ASIC2: variants seen among roughly 807,000 people sequenced by gnomAD.
ASIC2 encodes the protein acid sensing ion channel subunit 2, also known as acid-sensing ion channel 2.
ASIC2 carries 25 observed loss-of-function variants against 57.3 expected under a neutral mutation model. The observed-to-expected ratio is 0.44, with a 90% CI of 0.32 to 0.61. The LOEUF (loss-of-function observed/expected upper bound fraction) is 0.61, where lower values mean the gene tolerates loss of function less well. Among genes scored for constraint, ASIC2 ranks in the 20% least tolerant of loss-of-function variants. The probability of loss-of-function intolerance (pLI) is 0.06; values close to 1 mark genes in which losing one functional copy is unlikely to be tolerated. For synonymous variants in ASIC2, 319 were observed against 307.5 expected, an observed-to-expected ratio of 1.04 and a Z score of -0.39; for missense variants, 641 against 738.1, an observed-to-expected ratio of 0.87 and a Z score of 1.52.
At position 33,292,216 on chromosome 17, in the gene ASIC2, G is replaced by A. The variant is rs1396319354; in HGVS notation, c.-101C>T. The A allele has an allele frequency of 5.0e-6, 5 of 1,001,244 alleles. No individual in the cohort carries two copies. Among genetic ancestry groups the A allele is most frequent in the Non-Finnish European group, 5.9e-6 (5 of 842,442 alleles). The allele number at this position is 1,001,244 out of a possible 1,614,324, so 62.0% of individuals were successfully genotyped here. ...TGGAAGCAGCAGCAGCGGCAGCCGC[G>A]CGCAGCCCGCGCCAGGGAAGCGTGC... On this transcript the variant is annotated 5_prime_UTR_variant, in exon 1 of 10. Coordinates refer to ENST00000225823, the MANE Select transcript of ASIC2 (RefSeq NM_183377.2).
Position 33,943,791 on chromosome 17 carries a change from G to C in ASIC2, c.555+212187C>G, listed in dbSNP as rs73274580. On this transcript the variant is annotated intron_variant, in intron 1 of 9. Coordinates refer to the ASIC2 transcript ENST00000359872. ...AGGCCTTGTGCTAAATACATCACAT[G>C]CACCTGATCTCTTAATCCACACACC... 2.1e-3 allele frequency among the ~76,000 whole-genome samples: 322 copies of C among 151,600 alleles called. 3 individuals carry two copies. The highest frequency in any genetic ancestry group is 7.5e-3 in the African/African-American group (310 of 41,322).
intron 1 of ASIC2, among the ~76,000 whole-genome samples, chr17:33,861,972 T>C (rs945111135): frequency 6.6e-6 from 1 of 152,190 alleles, no homozygotes; most frequent in Non-Finnish European, 1.5e-5. Context: ...ACCTTTCTGG[T>C]CCCTCCTGCA....
chr17:33,016,114 GC>G, intron 8 of ASIC2, 75 bp from the exon 9 acceptor site: 1 of 1,458,748 alleles, frequency 6.9e-7, no homozygotes, highest in Non-Finnish European at 9.6e-7. Context: ...CCTCCATTGG[GC>G]CCCACTGGGG....
chr17:33,900,736 G>A (rs1315771161), intron 1 of ASIC2, among the ~76,000 whole-genome samples: 1 of 152,176 alleles, frequency 6.6e-6, no homozygotes, highest in Non-Finnish European at 1.5e-5. Context: ...AGATGTTGAA[G>A]AAGTTGGAGG....
chr17:33,839,528 G>A (rs1913370355), intron 1 of ASIC2, among the ~76,000 whole-genome samples: 1 of 152,034 alleles, frequency 6.6e-6, no homozygotes, highest in Non-Finnish European at 1.5e-5. Context: ...CTGGGGCTGG[G>A]ACTCTGCAAA....
At chr17:33,648,170 C>T (rs1424724617) in intron 1 of ASIC2, among the ~76,000 whole-genome samples, 1 of 152,150 alleles carries the variant, frequency 6.6e-6, no homozygotes, top group African/African-American at 2.4e-5. Flanking sequence ...GAGGGAGGCT[C>T]CATCTGGTGG....
intron 1 of ASIC2, among the ~76,000 whole-genome samples, chr17:33,237,410 G>A (rs1244892139): frequency 6.6e-6 from 1 of 151,912 alleles, no homozygotes; most frequent in Admixed American, 6.6e-5. Flanking sequence ...GAGTGCAATG[G>A]CATGATCTCA....
In ASIC2 at chr17:33,450,859, C is replaced by T. The variant is rs142642927; in HGVS notation, c.556-338792G>A. 3.8e-3 allele frequency among the ~76,000 whole-genome samples: 586 copies of T among 152,268 alleles called. 6 individuals carry two copies. The highest frequency in any genetic ancestry group is 4.8e-3 in the Non-Finnish European group (327 of 68,026). On this transcript the variant is annotated intron_variant, in intron 1 of 9. Coordinates refer to the ASIC2 transcript ENST00000359872. ...ATCAGCTTTCACAGTTTCTGTACAT[C>T]TGTATGCAGATGTATATGTATACAG...
intron 1 of ASIC2, among the ~76,000 whole-genome samples, chr17:33,687,331 A>G (rs1467531416): frequency 6.6e-6 from 1 of 152,104 alleles, no homozygotes; most frequent in East Asian, 1.9e-4. Flanking sequence ...AAGTTGGGTT[A>G]CCCCTTAGGA....
At chr17:33,897,705 G>A (rs1216483256) in intron 1 of ASIC2, among the ~76,000 whole-genome samples, 1 of 152,166 alleles carries the variant, frequency 6.6e-6, no homozygotes, top group African/African-American at 2.4e-5. Context: ...CCTTTGCTCG[G>A]ATGTATCTGA....
chr17:34,037,713 G>A, intron 1 of ASIC2: 1 of 1,614,084 alleles, frequency 6.2e-7, no homozygotes, highest in Admixed American at 1.7e-5. Context: ...TGGATGTGAG[G>A]CAACAAGTAG....
At chr17:33,070,579 G>A (rs765849091) in intron 3 of ASIC2, among the ~76,000 whole-genome samples, 75 of 152,012 alleles carry the variant, frequency 4.9e-4, no homozygotes, top group Non-Finnish European at 6.8e-4. Context: ...CTTGTGATCC[G>A]CCCACCTCAG....
chr17:33,333,712 T>C (rs55638434), intron 1 of ASIC2, among the ~76,000 whole-genome samples: 15,769 of 152,138 alleles, frequency 0.1, 852 homozygotes, highest in Middle Eastern at 0.18. Flanking sequence ...AAAAAAGCAA[T>C]TAAAAACTTT....
intron 2 of ASIC2, among the ~76,000 whole-genome samples, chr17:33,104,940 G>A (rs970305763): frequency 3.3e-5 from 5 of 152,158 alleles, no homozygotes; most frequent in African/African-American, 1.2e-4. Context: ...AAGTGATTGG[G>A]AAGGTTCATG....
chr17:34,149,481 AAAC>A (rs1458741196), intron 1 of ASIC2, among the ~76,000 whole-genome samples: 3 of 152,210 alleles, frequency 2.0e-5, no homozygotes, highest in African/African-American at 4.8e-5. Context: ...AGAAGCTTGA[AAAC>A]AACAATTTCA....
At chr17:33,539,306 T>G (rs1805997099) in intron 1 of ASIC2, among the ~76,000 whole-genome samples, 2 of 152,248 alleles carry the variant, frequency 1.3e-5, no homozygotes, top group Non-Finnish European at 2.9e-5. Context: ...CTTCTGGACT[T>G]TCCCTGGTGT....
intron 1 of ASIC2, among the ~76,000 whole-genome samples, chr17:33,822,945 G>T (rs1912791767): frequency 6.6e-6 from 1 of 152,186 alleles, no homozygotes; most frequent in African/African-American, 2.4e-5. Context: ...ATGGCCACTT[G>T]CTGAGAAAGT....
chr17:34,148,293 A>G (rs1006108755), intron 1 of ASIC2, among the ~76,000 whole-genome samples: 2 of 152,208 alleles, frequency 1.3e-5, no homozygotes, highest in African/African-American at 4.8e-5. Flanking sequence ...GCTCTCAGTC[A>G]TTGTCTTACC....
intron 1 of ASIC2, among the ~76,000 whole-genome samples, chr17:34,072,733 A>G (rs1253864505): frequency 6.6e-6 from 1 of 152,222 alleles, no homozygotes; most frequent in East Asian, 1.9e-4. Flanking sequence ...GCTTCATGTG[A>G]TGGACGATTT....
Sources: gnomAD v4.1 joint callset for allele counts (sites outside exome capture counted in the v4.1 genomes callset) on GRCh38, gnomAD v4.1.1 for gene constraint, MANE v1.5 for transcripts, NCBI Gene and HGNC (gene_info 2026-07-23, HGNC 2026-07-21) for gene names.